The following TAFA5 variants were observed in gnomAD, a reference collection of about 807,000 sequenced individuals.
The protein encoded by TAFA5 is TAFA chemokine like family member 5.
In TAFA5, 6 loss-of-function variants were observed where a neutral mutation model predicts 15.3. That is an observed-to-expected ratio of 0.39 (90% CI 0.21 to 0.77). The LOEUF is 0.77. TAFA5 is among the 30% of genes least tolerant of loss of function. TAFA5 has a pLI of 0.41. For synonymous variants in TAFA5, 103 were observed against 80.7 expected (o/e 1.28, Z -1.48); for missense variants, 161 against 193.1 (o/e 0.83, Z 0.98).
rs534461864 is a variant in TAFA5, at chr22:48,619,505, A to G, written c.113-27092A>G. On this transcript the variant is annotated intron_variant, in intron 1 of 3. Coordinates refer to ENST00000402357, the MANE Select transcript of TAFA5 (RefSeq NM_001082967.3). ...CGAGTAGCTGGGACTACAGGTGCCCACCACCACACCCAGCTAATTTTTGTA... is the reference window on the plus strand; with the variant it reads ...CGAGTAGCTGGGACTACAGGTGCCCGCCACCACACCCAGCTAATTTTTGTA... Among the ~76,000 whole-genome samples, 32 of 151,736 alleles carry G rather than the reference A, an allele frequency of 2.1e-4. No homozygotes were observed. In the South Asian group the frequency reaches 4.8e-3, roughly 23 times the overall value.
intron 2 of TAFA5, among the ~76,000 whole-genome samples, chr22:48,673,987 C>T (rs1927885357): frequency 6.6e-6 from 1 of 151,940 alleles, no homozygotes; most frequent in South Asian, 2.1e-4. Context: ...CCTTTGCCCA[C>T]CTCACATCTG....
At chr22:48,558,566 G>A (rs547182218) in intron 1 of TAFA5, among the ~76,000 whole-genome samples, 2 of 152,288 alleles carry the variant, frequency 1.3e-5, no homozygotes, top group African/African-American at 4.8e-5. Flanking sequence ...CCATGTGAGC[G>A]TGGCCTCAGG....
At chr22:48,654,462 A>G (rs5771894) in intron 2 of TAFA5, among the ~76,000 whole-genome samples, 1 of 152,068 alleles carries the variant, frequency 6.6e-6, no homozygotes, top group East Asian at 2.0e-4. Flanking sequence ...TCCCATGAGG[A>G]TGGGGACAGC....
chr22:48,654,525 G>A (rs1174902215), intron 2 of TAFA5, among the ~76,000 whole-genome samples: 1 of 152,250 alleles, frequency 6.6e-6, no homozygotes, highest in Non-Finnish European at 1.5e-5. Context: ...ACAGAGAGCT[G>A]CAGGGTCCTG....
chr22:48,550,548 C>A lies in TAFA5; in HGVS notation c.112+60844C>A, dbSNP rs1228460492. Among the ~76,000 whole-genome samples, 1 of 152,186 alleles carries A rather than the reference C, an allele frequency of 6.6e-6. No homozygotes were observed. Among genetic ancestry groups the A allele is most frequent in the Non-Finnish European group, 1.5e-5 (1 of 68,020 alleles). ...CATTGTGTGAAGGAGTGTCTTGTATCAAAGCAGATATGCCCTGCCCCCTAC... is the reference window on the plus strand; with the variant it reads ...CATTGTGTGAAGGAGTGTCTTGTATAAAAGCAGATATGCCCTGCCCCCTAC... On this transcript the variant is annotated intron_variant, in intron 1 of 3. Coordinates refer to ENST00000402357, the MANE Select transcript of TAFA5 (RefSeq NM_001082967.3). This position sits in a 1 kb window ranked among gnomAD's most constrained non-coding sequence, Gnocchi z 4.1.
intron 1 of TAFA5, among the ~76,000 whole-genome samples, chr22:48,637,822 A>G (rs1318846419): frequency 6.6e-6 from 1 of 151,832 alleles, no homozygotes; most frequent in Non-Finnish European, 1.5e-5. Flanking sequence ...CAGCCGAGCC[A>G]TTTCCCACAC....
intron 2 of TAFA5, among the ~76,000 whole-genome samples, chr22:48,671,273 C>A (rs1230465669): frequency 6.6e-6 from 1 of 152,214 alleles, no homozygotes; most frequent in Admixed American, 6.5e-5. Context: ...GAGTCCTCCT[C>A]AATGTGCAGG....
chr22:48,501,506 C>T (rs1166196342), intron 1 of TAFA5, among the ~76,000 whole-genome samples: 3 of 152,202 alleles, frequency 2.0e-5, no homozygotes, highest in East Asian at 1.9e-4. Flanking sequence ...TGGCCCATCT[C>T]TCCAAGGGAA....
chr22:48,667,531 C>T (rs1884344), intron 2 of TAFA5, among the ~76,000 whole-genome samples: 125,621 of 152,226 alleles, frequency 0.83, 52,100 homozygotes, highest in East Asian at 0.93. Context: ...TCCCGCCTTC[C>T]GTGCCACACT....
intron 1 of TAFA5, among the ~76,000 whole-genome samples, chr22:48,617,632 G>A (rs1448885671): frequency 6.6e-6 from 1 of 152,242 alleles, no homozygotes; most frequent in Non-Finnish European, 1.5e-5. Flanking sequence ...GATGCAGCAG[G>A]AGAGAGAATG....
rs541836179 is a variant in TAFA5 at position 48,610,452 on chromosome 22, C to T, written c.113-36145C>T. Among the ~76,000 whole-genome samples, 7 of 152,364 alleles carry T rather than the reference C, an allele frequency of 4.6e-5. No individual in the cohort carries two copies. In the East Asian group the frequency reaches 1.2e-3, roughly 25 times the overall value. On this transcript the variant is annotated intron_variant, in intron 1 of 3. Coordinates refer to ENST00000402357, the MANE Select transcript of TAFA5 (RefSeq NM_001082967.3). ...GAAAGGTACACTGAGGAAGCGCCCT[C>T]AGGCACCCAGTGAACTGCGGACCTT...
At chr22:48,627,521 C>T (rs1430116133) in intron 1 of TAFA5, among the ~76,000 whole-genome samples, 1 of 152,146 alleles carries the variant, frequency 6.6e-6, no homozygotes, top group Non-Finnish European at 1.5e-5. Context: ...CACAGCCCTG[C>T]CCCCCCAGGT....
chr22:48,513,223 A>T (rs1351139567), intron 1 of TAFA5, among the ~76,000 whole-genome samples: 1 of 152,242 alleles, frequency 6.6e-6, no homozygotes, highest in Admixed American at 6.5e-5. Context: ...CATTGGTGAT[A>T]AGAGCTGGAA....
At chr22:48,632,816 G>C (rs1016971788) in intron 1 of TAFA5, among the ~76,000 whole-genome samples, 1 of 152,212 alleles carries the variant, frequency 6.6e-6, no homozygotes, top group East Asian at 1.9e-4. Flanking sequence ...GCTCCAGGGC[G>C]GAGTCTCTGC....
At chr22:48,681,383 CTG>C (rs1236727769) in intron 2 of TAFA5, among the ~76,000 whole-genome samples, 2 of 151,850 alleles carry the variant, frequency 1.3e-5, no homozygotes, top group African/African-American at 4.8e-5. Context: ...TGGCTCACAC[CTG>C]TAATCCTAGC....
rs1173268918 is a variant in TAFA5, at chr22:48,742,159, C to T, written c.391-7680C>T. 6.6e-6 allele frequency among the ~76,000 whole-genome samples: 1 copy of T among 151,662 alleles called. No homozygotes were observed. Among genetic ancestry groups the T allele is most frequent in the East Asian group, 2.0e-4 (1 of 5,118 alleles). ...GCTCCCCTGCCCAACCCCACAGGCCCCCTCATCCTTCACCAGGCACAGCCC... is the reference window on the plus strand; with the variant it reads ...GCTCCCCTGCCCAACCCCACAGGCCTCCTCATCCTTCACCAGGCACAGCCC... On this transcript the variant is annotated intron_variant, in intron 3 of 3. Coordinates refer to ENST00000402357, the MANE Select transcript of TAFA5 (RefSeq NM_001082967.3). The surrounding 1 kb of genome is among the most constrained non-coding windows in gnomAD (Gnocchi z 6.2).
intron 1 of TAFA5, among the ~76,000 whole-genome samples, chr22:48,506,454 A>G (rs1601838631): frequency 6.6e-6 from 1 of 152,282 alleles, no homozygotes; most frequent in East Asian, 1.9e-4. Context: ...GACTAGTGTG[A>G]CAAAAACGCG....
chr22:48,640,046 A>G (rs1322966377), intron 1 of TAFA5, among the ~76,000 whole-genome samples: 1 of 152,152 alleles, frequency 6.6e-6, no homozygotes, highest in Non-Finnish European at 1.5e-5. Context: ...TGGGTTGTGG[A>G]GGGCGTGCTG....
intron 1 of TAFA5, among the ~76,000 whole-genome samples, chr22:48,524,827 T>C (rs1325770584): frequency 6.6e-6 from 1 of 152,108 alleles, no homozygotes; most frequent in Non-Finnish European, 1.5e-5. Flanking sequence ...CTGGGAAACG[T>C]GGAGTCTTCC....
Sources: allele counts gnomAD v4.1 joint callset (sites outside exome capture counted in the v4.1 genomes callset), GRCh38; gene constraint gnomAD v4.1.1; non-coding constraint Gnocchi (gnomAD v3.1); transcripts MANE v1.5; gene names NCBI Gene and HGNC (gene_info 2026-07-23, HGNC 2026-07-21).